Variants in GALNT1 observed in about 807,000 individuals in gnomAD.
GALNT1 encodes GalNAc transferase 1.
In GALNT1, 17 loss-of-function variants were observed where a neutral mutation model predicts 65.7. The ratio of observed to expected loss-of-function variants is 0.26; its 90% CI spans 0.18 to 0.39. The LOEUF is 0.39. Among genes scored for constraint, GALNT1 ranks in the 10% least tolerant of loss-of-function variants. GALNT1 has a pLI of 1.00. For synonymous variants in GALNT1, 210 were observed against 219.7 expected (o/e 0.96, Z 0.39); for missense variants, 460 against 672.8 (o/e 0.68, Z 3.50).
chr18:35,665,273 G>A (rs2047533836), intron 3 of GALNT1, among the ~76,000 whole-genome samples: 1 of 152,062 alleles, frequency 6.6e-6, no homozygotes, highest in South Asian at 2.1e-4. Flanking sequence ...ATGAGAATAG[G>A]ATATTATTCA....
intron 3 of GALNT1, among the ~76,000 whole-genome samples, chr18:35,664,842 G>A (rs1180760265): frequency 1.3e-5 from 2 of 152,216 alleles, no homozygotes; most frequent in Non-Finnish European, 2.9e-5. Context: ...AGCCAAGCTT[G>A]CCTCCTCCAG....
At chr18:35,603,930 C>A (rs1238925402) in intron 1 of GALNT1, among the ~76,000 whole-genome samples, 4 of 151,882 alleles carry the variant, frequency 2.6e-5, no homozygotes, top group Non-Finnish European at 4.4e-5. Flanking sequence ...TTATTTTTTT[C>A]TTTCCAACTT....
At chr18:35,674,590 G>A (rs2047681368) in intron 3 of GALNT1, among the ~76,000 whole-genome samples, 1 of 152,168 alleles carries the variant, frequency 6.6e-6, no homozygotes, top group African/African-American at 2.4e-5. Context: ...AAAGCTTATA[G>A]GGGCCAGTTT....
At chr18:35,661,772 A>G (rs1175015501) in intron 2 of GALNT1, among the ~76,000 whole-genome samples, 2 of 152,128 alleles carry the variant, frequency 1.3e-5, no homozygotes, top group African/African-American at 4.8e-5. Context: ...CAGGTTGAGG[A>G]TCTTTTTCCC....
intron 3 of GALNT1, among the ~76,000 whole-genome samples, chr18:35,676,093 C>G (rs1403775584): frequency 6.6e-6 from 1 of 152,186 alleles, no homozygotes; most frequent in East Asian, 1.9e-4. Flanking sequence ...TTGGGCCACA[C>G]CTCTTTAGCC....
At chr18:35,627,949 G>A (rs554766472) in intron 1 of GALNT1, among the ~76,000 whole-genome samples, 5 of 134,192 alleles carry the variant, frequency 3.7e-5, no homozygotes, top group South Asian at 2.5e-4. Context: ...AGGGTCCTAC[G>A]CCCACGGAGC....
intron 6 of GALNT1, among the ~76,000 whole-genome samples, chr18:35,688,275 A>ATAAG (rs1387089877): frequency 2.6e-5 from 4 of 152,200 alleles, no homozygotes; most frequent in Non-Finnish European, 4.4e-5. Context: ...TAAAATCAAA[A>ATAAG]TAAGTCCAAA....
chr18:35,644,059 A>G (rs2047199479), intron 1 of GALNT1, among the ~76,000 whole-genome samples: 1 of 152,188 alleles, frequency 6.6e-6, no homozygotes. Flanking sequence ...CTCTAATTTG[A>G]AACATTCGAG....
At chr18:35,680,950 T>C (rs961797650) in intron 4 of GALNT1, among the ~76,000 whole-genome samples, 5 of 152,220 alleles carry the variant, frequency 3.3e-5, no homozygotes, top group Non-Finnish European at 7.3e-5. Context: ...TTAGAATTTA[T>C]GTAATGTTTC....
At chr18:35,585,678 A>C (rs2046370853) in intron 1 of GALNT1, among the ~76,000 whole-genome samples, 1 of 152,136 alleles carries the variant, frequency 6.6e-6, no homozygotes, top group Non-Finnish European at 1.5e-5. Context: ...TAATTTGTTC[A>C]TTTCTGTAAT....
chr18:35,663,951 A>G lies in GALNT1; in HGVS notation c.314+149A>G, dbSNP rs1001694686. ...CCACTTAGAAAATAATTAAATGCTG[A>G]TAGAAATAATATCTCAAGCTTCTAC... On this transcript the variant is annotated intron_variant, in intron 3 of 11. Transcript: ENST00000269195. 1.1e-4 allele frequency: 70 copies of G among 648,790 alleles called. 1 individual carries two copies. In the Admixed American group the frequency reaches 2.0e-3, roughly 18 times the overall value. The allele number at this position is 648,790 out of a possible 1,614,324, so 40.2% of individuals were successfully genotyped here. A position where few individuals can be genotyped will look rare whatever the true frequency, so the allele number is the denominator to read the frequency against.
intron 1 of GALNT1, among the ~76,000 whole-genome samples, chr18:35,606,998 T>C (rs552337529): frequency 6.6e-6 from 1 of 152,164 alleles, no homozygotes; most frequent in South Asian, 2.1e-4. Context: ...AAAGGTGCTC[T>C]TAGTTGGTCA....
intron 1 of GALNT1, among the ~76,000 whole-genome samples, chr18:35,642,813 G>A (rs2144309989): frequency 6.6e-6 from 1 of 152,224 alleles, no homozygotes; most frequent in South Asian, 2.1e-4. Flanking sequence ...TTCTTAAGCA[G>A]AAAAGGGGAC....
intron 1 of GALNT1, among the ~76,000 whole-genome samples, chr18:35,650,240 G>A (rs1240589608): frequency 6.6e-6 from 1 of 152,162 alleles, no homozygotes; most frequent in African/African-American, 2.4e-5. Flanking sequence ...ATGCCCCCGA[G>A]CCGTAAAACC....
chr18:35,655,086 T>C (rs1401685570), intron 2 of GALNT1, among the ~76,000 whole-genome samples: 1 of 152,118 alleles, frequency 6.6e-6, no homozygotes, highest in African/African-American at 2.4e-5. Flanking sequence ...GGGTATCTCA[T>C]AGTTGGGATA....
chr18:35,595,576 A>C (rs549426848), intron 1 of GALNT1, among the ~76,000 whole-genome samples: 1 of 152,338 alleles, frequency 6.6e-6, no homozygotes, highest in East Asian at 1.9e-4. Flanking sequence ...ACAAAACTAA[A>C]CAGAAACATT....
At chr18:35,602,946 G>GT (rs1306237431) in intron 1 of GALNT1, among the ~76,000 whole-genome samples, 1 of 152,160 alleles carries the variant, frequency 6.6e-6, no homozygotes, top group African/African-American at 2.4e-5. Context: ...TAAAGGGTTG[G>GT]TTTTTTATTC....
intron 3 of GALNT1, among the ~76,000 whole-genome samples, chr18:35,669,424 G>A (rs61500259): frequency 0.1 from 15,489 of 152,198 alleles, 1,008 homozygotes; most frequent in African/African-American, 0.19. Context: ...CAGACCAGTA[G>A]TCTCGATACA....
intron 9 of GALNT1, among the ~76,000 whole-genome samples, chr18:35,694,155 T>G (rs1399223568): frequency 6.6e-6 from 1 of 152,196 alleles, no homozygotes; most frequent in South Asian, 2.1e-4. Context: ...GAGTTCCCCA[T>G]GGATGTTGTT....
Sources: gnomAD v4.1 joint callset for allele counts (sites outside exome capture counted in the v4.1 genomes callset) on GRCh38, gnomAD v4.1.1 for gene constraint, MANE v1.5 for transcripts, NCBI Gene and HGNC (gene_info 2026-07-23, HGNC 2026-07-21) for gene names.